TMX3: variants seen among roughly 807,000 people sequenced by gnomAD.
TMX3 encodes protein disulfide-isomerase TMX3.
A neutral mutation model predicts 64.4 loss-of-function variants in TMX3; 40 were observed. That is an observed-to-expected ratio of 0.62 (90% CI 0.48 to 0.81). The LOEUF (loss-of-function observed/expected upper bound fraction) is 0.81. TMX3 is among the 30% of genes least tolerant of loss of function. TMX3 has a pLI of 0.00. For missense variants in TMX3, 497 were observed against 534.5 expected, an observed-to-expected ratio of 0.93 and a Z score of 0.69; for synonymous variants, 189 against 175.7, an observed-to-expected ratio of 1.08 and a Z score of -0.60.
At chr18:68,701,822 T>C (rs757934827) in intron 4 of TMX3, 32 bp from the exon 5 acceptor site, 1 of 1,583,352 alleles carries the variant, frequency 6.3e-7, no homozygotes, top group South Asian at 1.1e-5. Flanking sequence ...GCATTCTAAA[T>C]TTTTTTTAAA....
Position 68,682,956 on chromosome 18 carries a change from C to T in TMX3, c.874G>A (p.Gly292Arg), listed in dbSNP as rs1282769481. The T allele has an allele frequency of 6.2e-7, 1 of 1,610,034 alleles. No homozygotes were observed. Among genetic ancestry groups the T allele is most frequent in the Admixed American group, 1.7e-5 (1 of 59,798 alleles). Reference protein sequence around the residue: ...HRDFQFGHMDGNDYINTLLMD... With the variant: ...HRDFQFGHMDRNDYINTLLMD... ...AGCAAGGTATTTATGTAGTCATTTC[C>T]ATCCATGTGGCCAAACTGAAAATCC... Residue 292 changes from glycine (G) to arginine (R), a missense_variant, in exon 13 of 16, where the codon GGA becomes AGA. Gly to Arg is a moderately radical substitution (Grantham distance 125). This residue lies in a region of TMX3 where 360 missense variants were observed against 383.5 expected (regional missense o/e 0.94). Coordinates refer to ENST00000299608, the MANE Select transcript of TMX3 (RefSeq NM_019022.5).
Position 68,691,372 on chromosome 18 carries a change from T to A in TMX3, c.571-11A>T. 1 of 1,482,316 alleles carries A rather than the reference T, an allele frequency of 6.7e-7. No individual in the cohort carries two copies. Among genetic ancestry groups the A allele is most frequent in the Non-Finnish European group, 9.0e-7 (1 of 1,106,934 alleles). The allele number at this position is 1,482,316 out of a possible 1,614,324, so 91.8% of individuals were successfully genotyped here. On this transcript the variant is annotated splice_polypyrimidine_tract_variant and intron_variant, in intron 8 of 15. Coordinates refer to ENST00000299608, the MANE Select transcript of TMX3 (RefSeq NM_019022.5). ...TTTTAGTGTCACATACTGCAAAAAA[T>A]CAGAAGTTTAAATAACTTTTATCAC...
chr18:68,699,206 AACT>A (rs1915432140), intron 6 of TMX3, among the ~76,000 whole-genome samples: 2 of 152,134 alleles, frequency 1.3e-5, no homozygotes, highest in African/African-American at 4.8e-5. Context: ...AATACTTAGT[AACT>A]AAATGTAAGT....
chr18:68,680,113 A>G (rs17200672), intron 14 of TMX3, among the ~76,000 whole-genome samples: 23,059 of 152,198 alleles, frequency 0.15, 2,230 homozygotes, highest in Non-Finnish European at 0.23. Flanking sequence ...TCATTTCAAC[A>G]AATTATTTTC....
Position 68,714,443 on chromosome 18 carries a change from G to T in TMX3, c.46+493C>A, listed in dbSNP as rs58797422. 5.2e-3 allele frequency: 845 copies of T among 162,608 alleles called. 11 individuals are homozygous for T. Among genetic ancestry groups the T allele is most frequent in the African/African-American group, 0.019 (802 of 41,738 alleles). 10.1% of individuals were successfully genotyped at this position (162,608 alleles called of 1,614,324 possible). On this transcript the variant is annotated intron_variant, in intron 1 of 15. Coordinates refer to ENST00000299608, the MANE Select transcript of TMX3 (RefSeq NM_019022.5). The stretch of plus-strand genomic sequence containing the variant: ...ATGAGGGCACTCCATGCTGACGGGA[G>T]GCAGCTGAGAACCGCTGACACACAC...
At chr18:68,697,531 A>G (rs1329912370) in intron 7 of TMX3, 1 of 379,336 alleles carries the variant, frequency 2.6e-6, no homozygotes, top group South Asian at 8.4e-5. Context: ...TTCATTAAAT[A>G]TAACACAAGT....
At chr18:68,693,871 G>A (rs780577664) in intron 8 of TMX3, among the ~76,000 whole-genome samples, 37 of 152,170 alleles carry the variant, frequency 2.4e-4, no homozygotes, top group Middle Eastern at 3.4e-3. Context: ...CAAGTGGATC[G>A]TGCCTTTTCC....
Position 68,675,444 on chromosome 18 carries a change from A to G in TMX3, c.*1489T>C, listed in dbSNP as rs1912845373. Reference sequence around the variant, plus strand: ...ATAAAACAATCACTAGTAATTCCTTAGTACTTAAGATGCAAGTGTCCATAC... The same window carrying G: ...ATAAAACAATCACTAGTAATTCCTTGGTACTTAAGATGCAAGTGTCCATAC... On this transcript the variant is annotated 3_prime_UTR_variant, in exon 16 of 16. Transcript: ENST00000299608. 6.6e-6 allele frequency: 1 copy of G among 152,194 alleles called. No individual in the cohort carries two copies. The highest frequency in any genetic ancestry group is 2.4e-5 in the African/African-American group (1 of 41,458). The allele number at this position is 152,194 out of a possible 1,614,324, so 9.4% of individuals were successfully genotyped here. A position where few individuals can be genotyped will look rare whatever the true frequency, so the allele number is the denominator to read the frequency against.
intron 7 of TMX3, 192 bp downstream of exon 7, chr18:68,697,740 C>CT (rs1915237956): frequency 3.8e-6 from 2 of 523,406 alleles, no homozygotes; most frequent in Admixed American, 3.6e-5. Context: ...TTTTTACACA[C>CT]TTCTGTTTCA....
intron 5 of TMX3, chr18:68,700,721 T>C: frequency 1.0e-6 from 1 of 982,468 alleles, no homozygotes; most frequent in Middle Eastern, 5.2e-4. Flanking sequence ...TACTCTGCAT[T>C]TGATAACTGC....
intron 10 of TMX3, among the ~76,000 whole-genome samples, chr18:68,685,042 T>C (rs2145026466): frequency 6.6e-6 from 1 of 152,300 alleles, no homozygotes; most frequent in East Asian, 1.9e-4. Flanking sequence ...AAAGCATATG[T>C]ATCCTGATAT....
chr18:68,683,634 A>C (rs998118681), intron 12 of TMX3, among the ~76,000 whole-genome samples: 6 of 152,130 alleles, frequency 3.9e-5, no homozygotes, highest in Non-Finnish European at 7.4e-5. Context: ...TCCTATCAAG[A>C]AGCAGGTATG....
Position 68,710,164 on chromosome 18 carries a change from C to T in TMX3, c.142-20G>A. On this transcript the variant is annotated intron_variant, in intron 3 of 15. Transcript: ENST00000299608. ...ATAAAACTTGTTTTAAAAAAACAAA[C>T]AACAAACAAAAAAAGATAACCATTA... The T allele has an allele frequency of 6.7e-7, 1 of 1,501,564 alleles. No homozygotes were observed. Among genetic ancestry groups the T allele is most frequent in the Non-Finnish European group, 8.9e-7 (1 of 1,129,062 alleles). The allele number at this position is 1,501,564 out of a possible 1,614,324, so 93.0% of individuals were successfully genotyped here. A position where few individuals can be genotyped will look rare whatever the true frequency, so the allele number is the denominator to read the frequency against.
intron 8 of TMX3, among the ~76,000 whole-genome samples, chr18:68,694,219 T>G (rs549646108): frequency 6.6e-6 from 1 of 152,172 alleles, no homozygotes; most frequent in Admixed American, 6.5e-5. Context: ...AGAAGAGCTG[T>G]AACCCTTCTG....
At position 68,684,203 on chromosome 18, in the gene TMX3, C is replaced by A. The variant is rs1442211637; in HGVS notation, c.835G>T (p.Asp279Tyr). ...IIQEVARDYR[D>Y]LFHRDFQFGH... is the part of the protein sequence containing the mutation. Reference sequence around the variant, plus strand: ...ATAAGCACCTACCTATGGAAGAGGTCTCTGTAATCTCTTGCAACTTCCTGA... The same window carrying A: ...ATAAGCACCTACCTATGGAAGAGGTATCTGTAATCTCTTGCAACTTCCTGA... The change falls in exon 12 of 16, where the codon GAC becomes TAC. Residue 279 changes from aspartate to tyrosine, a missense_variant. Asp to Tyr is a radical substitution (Grantham distance 160). Around this residue, in one of 3 missense-constraint regions of TMX3, gnomAD observed 360 missense variants for 383.5 expected, o/e 0.94. Coordinates refer to ENST00000299608, the MANE Select transcript of TMX3 (RefSeq NM_019022.5). 6.2e-7 allele frequency: 1 copy of A among 1,610,674 alleles called. No individual in the cohort carries two copies. The highest frequency in any genetic ancestry group is 8.5e-7 in the Non-Finnish European group (1 of 1,177,786).
chr18:68,699,985 A>T (rs1915508326), intron 6 of TMX3, among the ~76,000 whole-genome samples: 1 of 152,180 alleles, frequency 6.6e-6, no homozygotes, highest in Admixed American at 6.5e-5. Flanking sequence ...TTCGAGTATC[A>T]AAGAGTATGG....
intron 9 of TMX3, chr18:68,688,914 G>C (rs964761546): frequency 1.3e-5 from 2 of 152,170 alleles, no homozygotes; most frequent in Non-Finnish European, 2.9e-5. Context: ...ATGGGGAGGA[G>C]GACAAGGGCT....
Position 68,697,345 on chromosome 18 carries a change from A to T in TMX3, c.493-42T>A, listed in dbSNP as rs764565228. On this transcript the variant is annotated intron_variant, in intron 7 of 15. Coordinates refer to ENST00000299608, the MANE Select transcript of TMX3 (RefSeq NM_019022.5). ...AGAAAAAAGATCATTGAAAAATATT[A>T]AAGGCCAAAATTCATTCCTCATTAA... The T allele has an allele frequency of 3.8e-5, 46 of 1,205,932 alleles. No homozygotes were observed. In the East Asian group the frequency reaches 1.1e-3, roughly 29 times the overall value. 74.7% of individuals were successfully genotyped at this position (1,205,932 alleles called of 1,614,324 possible).
At chr18:68,681,532 C>G in intron 13 of TMX3, 2 of 984,840 alleles carry the variant, frequency 2.0e-6, no homozygotes, top group Non-Finnish European at 2.4e-6. Flanking sequence ...TTGGCAAATC[C>G]TCTTAAGTTC....
Sources: gnomAD v4.1 joint callset for allele counts (sites outside exome capture counted in the v4.1 genomes callset) on GRCh38, gnomAD v4.1.1 for gene constraint, gnomAD v4.1.1 regional missense constraint, MANE v1.5 for transcripts, NCBI Gene and HGNC (gene_info 2026-07-23, HGNC 2026-07-21) for gene names.